The following LRRTM1 variants were observed in gnomAD, a reference collection of about 807,000 sequenced individuals.
LRRTM1 encodes leucine rich repeat transmembrane neuronal 1.
Under a neutral mutation model 37.3 loss-of-function variants are expected in LRRTM1, and 8 were observed. That is an observed-to-expected ratio of 0.21 (90% CI 0.13 to 0.39). The LOEUF (loss-of-function observed/expected upper bound fraction) is 0.39. Among genes scored for constraint, LRRTM1 ranks in the 10% least tolerant of loss-of-function variants. The probability of loss-of-function intolerance (pLI) is 1.00; values close to 1 mark genes in which losing one functional copy is unlikely to be tolerated. For missense variants in LRRTM1, 557 were observed against 691.0 expected (o/e 0.81, Z 2.17); for synonymous variants, 326 against 316.8 (o/e 1.03, Z -0.31).
At chr2:80,295,214 G>A (rs1675634269) in intron 2 of LRRTM1, among the ~76,000 whole-genome samples, 1 of 144,122 alleles carries the variant, frequency 6.9e-6, no homozygotes, top group Non-Finnish European at 1.5e-5. Flanking sequence ...CATTTTGAGA[G>A]TCCTGAACAA....
intron 2 of LRRTM1, among the ~76,000 whole-genome samples, chr2:80,292,996 A>G (rs1048634887): frequency 2.6e-5 from 4 of 152,258 alleles, no homozygotes; most frequent in Admixed American, 1.3e-4. Context: ...ACAGCAAAGC[A>G]GTGCTGCTGC....
At chr2:80,292,837 ATATGT>A (rs1488367231) in intron 2 of LRRTM1, among the ~76,000 whole-genome samples, 2 of 152,208 alleles carry the variant, frequency 1.3e-5, no homozygotes, top group Admixed American at 6.5e-5. Context: ...CATCTGAGTG[ATATGT>A]TATGTTTAGT....
chr2:80,301,323 G>C (rs941487543), downstream of LRRTM1, among the ~76,000 whole-genome samples: 3 of 152,178 alleles, frequency 2.0e-5, no homozygotes, highest in African/African-American at 4.8e-5. Flanking sequence ...AGACCAAAGA[G>C]AGCAGTGAGC....
In LRRTM1 at chr2:80,302,395, C is replaced by T. The variant is rs1676411962; in HGVS notation, c.1425G>A (p.Gln475=). 3 of 1,614,252 alleles carry T rather than the reference C, an allele frequency of 1.9e-6. No homozygotes were observed. Among genetic ancestry groups the T allele is most frequent in the Admixed American group, 1.7e-5 (1 of 60,036 alleles). ...ACATGGCAGCCATCTGATGCATGGT[C>T]TGTTTCTGCTTTTGCTTCCTGCGCT... ...VTQRRKQKQK[Q]TMHQMAAMSA... Residue 475 remains glutamine (Q), a synonymous_variant, in exon 2 of 2, where the codon CAG becomes CAA. Transcript: ENST00000295057. The surrounding 1 kb of genome is among the most constrained non-coding windows in gnomAD (Gnocchi z 6.4).
Position 80,302,450 on chromosome 2 carries a change from A to T in LRRTM1, c.1370T>A (p.Leu457His). Residue 457 changes from leucine to histidine, a missense_variant, in exon 2 of 2, where the codon CTC becomes CAC. Leu to His is a moderately conservative substitution (Grantham distance 99). Around this residue, in one of 5 missense-constraint regions of LRRTM1, gnomAD observed 90 missense variants for 149.4 expected, o/e 0.60. Coordinates refer to ENST00000295057, the MANE Select transcript of LRRTM1 (RefSeq NM_178839.5). The surrounding 1 kb of genome is among the most constrained non-coding windows in gnomAD (Gnocchi z 6.4). ...YVSWKCFPAS[L>H]RQLRQCFVTQ... ...GACAAAGCACTGTCTGAGCTGCCTG[A>T]GGCTGGCTGGGAAACACTTCCAGGA... The T allele has an allele frequency of 6.2e-7, 1 of 1,614,190 alleles. No homozygotes were observed. Among genetic ancestry groups the T allele is most frequent in the Non-Finnish European group, 8.5e-7 (1 of 1,180,028 alleles).
At chr2:80,289,336 T>G (rs1675039087) in intron 2 of LRRTM1, 1 of 152,108 alleles carries the variant, frequency 6.6e-6, no homozygotes, top group African/African-American at 2.4e-5. Flanking sequence ...ACAGAGAGGG[T>G]GCTATTCTTC....
At chr2:80,292,352 T>C (rs1675335594) in intron 2 of LRRTM1, among the ~76,000 whole-genome samples, 1 of 152,104 alleles carries the variant, frequency 6.6e-6, no homozygotes, top group Non-Finnish European at 1.5e-5. Context: ...CAGCCAGAAT[T>C]TGAACCCAAG....
At chr2:80,289,783 C>T (rs923346581) in intron 2 of LRRTM1, among the ~76,000 whole-genome samples, 4 of 152,186 alleles carry the variant, frequency 2.6e-5, no homozygotes, top group Non-Finnish European at 5.9e-5. Context: ...CTGTGTTATA[C>T]GGTAGGGAAA....
chr2:80,293,220 A>G (rs1044514613), intron 2 of LRRTM1, among the ~76,000 whole-genome samples: 42 of 152,292 alleles, frequency 2.8e-4, no homozygotes, highest in African/African-American at 8.7e-4. Context: ...GCATTGTTCC[A>G]TTAATTGTGT....
intron 2 of LRRTM1, among the ~76,000 whole-genome samples, chr2:80,294,991 A>G (rs537901295): frequency 6.6e-6 from 1 of 152,198 alleles, no homozygotes; most frequent in Non-Finnish European, 1.5e-5. Flanking sequence ...AGCATAAAAC[A>G]CAGATCTTGA....
Position 80,303,002 on chromosome 2 carries a change from G to A in LRRTM1, c.818C>T (p.Pro273Leu). 1.9e-6 allele frequency: 3 copies of A among 1,613,778 alleles called. No homozygotes were observed. The highest frequency in any genetic ancestry group is 2.5e-6 in the Non-Finnish European group (3 of 1,179,972). The change falls in exon 2 of 2, where the codon CCC (proline) becomes CTC (leucine). Residue 273 changes from proline (P) to leucine (L), a missense_variant. Physicochemically the swap from Pro to Leu is moderately conservative, Grantham distance 98. Around this residue, in one of 5 missense-constraint regions of LRRTM1, gnomAD observed 200 missense variants for 249.9 expected, o/e 0.80. Coordinates refer to ENST00000295057, the MANE Select transcript of LRRTM1 (RefSeq NM_178839.5). The surrounding 1 kb of genome is among the most constrained non-coding windows in gnomAD (Gnocchi z 7.7). ...GTGCGGCACGGTCTCGAACACATGGGGCTCCATGTACTCGATCTCGTTGCC... is the reference window on the plus strand; with the variant it reads ...GTGCGGCACGGTCTCGAACACATGGAGCTCCATGTACTCGATCTCGTTGCC... ...LSGNEIEYMEPHVFETVPHLQ... is the reference protein window; with the variant it reads ...LSGNEIEYMELHVFETVPHLQ...
In LRRTM1 at chr2:80,302,434, C is replaced by A; in HGVS notation, c.1386G>T (p.Gln462His). ...CFPASLRQLR[Q>H]CFVTQRRKQK... ...GCTTCCTGCGCTGCGTGACAAAGCA[C>A]TGTCTGAGCTGCCTGAGGCTGGCTG... The change falls in exon 2 of 2, where the codon CAG becomes CAT. Residue 462 changes from glutamine (Q) to histidine (H), a missense_variant. Coordinates refer to ENST00000295057, the MANE Select transcript of LRRTM1 (RefSeq NM_178839.5). This position sits in a 1 kb window ranked among gnomAD's most constrained non-coding sequence, Gnocchi z 6.4. 2 of 1,614,234 alleles carry A rather than the reference C, an allele frequency of 1.2e-6. No individual in the cohort carries two copies. Among genetic ancestry groups the A allele is most frequent in the Non-Finnish European group, 1.7e-6 (2 of 1,180,044 alleles).
In LRRTM1 at chr2:80,304,645, A is replaced by AG. The variant is rs1174304704; in HGVS notation, c.-554dup. The AG allele has an allele frequency of 1.3e-5, 2 of 152,246 alleles. No individual in the cohort carries two copies. Among genetic ancestry groups the AG allele is most frequent in the African/African-American group, 4.9e-5 (2 of 41,148 alleles). 9.4% of individuals were successfully genotyped at this position (152,246 alleles called of 1,614,324 possible). ...GGGCGGCGGGCGGCGGGCGGTGGGGAGGTGCGGACGGCGGCGCGGGGAGCG... is the reference window on the plus strand; with the variant it reads ...GGGCGGCGGGCGGCGGGCGGTGGGGAGGGTGCGGACGGCGGCGCGGGGAGCG... On this transcript the variant is annotated 5_prime_UTR_variant, in exon 1 of 2. Coordinates refer to ENST00000295057, the MANE Select transcript of LRRTM1 (RefSeq NM_178839.5).
chr2:80,298,566 T>G (rs924728162), downstream of LRRTM1: 7 of 152,194 alleles, frequency 4.6e-5, no homozygotes, highest in Non-Finnish European at 1.0e-4. Flanking sequence ...GAGATCTGTG[T>G]GTACTTGCTT....
At position 80,303,741 on chromosome 2, in the gene LRRTM1, C is replaced by T. The variant is rs1244393074; in HGVS notation, c.79G>A (p.Ala27Thr). Residue 27 changes from alanine (A) to threonine (T), a missense_variant, in exon 2 of 2, where the codon GCC becomes ACC. Coordinates refer to ENST00000295057, the MANE Select transcript of LRRTM1 (RefSeq NM_178839.5). This position sits in a 1 kb window ranked among gnomAD's most constrained non-coding sequence, Gnocchi z 7.7. ...PSGVVLCLLG[A>T]CFQMLPAAPS... ...GCGGCGGGCAGCATCTGAAAGCAGG[C>T]CCCCAGCAGACACAAGACCACCCCC... 2 of 1,597,240 alleles carry T rather than the reference C, an allele frequency of 1.3e-6. No individual in the cohort carries two copies. The highest frequency in any genetic ancestry group is 1.3e-5 in the African/African-American group (1 of 74,568).
intron 2 of LRRTM1, among the ~76,000 whole-genome samples, chr2:80,293,038 AAATTT>A (rs1438963771): frequency 6.6e-6 from 1 of 152,236 alleles, no homozygotes; most frequent in Non-Finnish European, 1.5e-5. Context: ...TTTAAAATAA[AAATTT>A]AATAAAATAA....
downstream of LRRTM1, among the ~76,000 whole-genome samples, chr2:80,299,956 T>C (rs928442895): frequency 9.8e-5 from 15 of 152,288 alleles, no homozygotes; most frequent in Admixed American, 7.8e-4. Context: ...CTTCAGTTGC[T>C]ACATTTTTTG....
Position 80,303,105 on chromosome 2 carries a change from A to C in LRRTM1, c.715T>G (p.Cys239Gly). Reference sequence around the variant, plus strand: ...ATGGCCACCTTGTTCCTCCGCAGGCAGAGCGAGTGCAGGGAGATGAGGCGC... The same window carrying C: ...ATGGCCACCTTGTTCCTCCGCAGGCCGAGCGAGTGCAGGGAGATGAGGCGC... ...FPRLISLHSL[C>G]LRRNKVAIVV... Residue 239 changes from cysteine (C) to glycine (G), a missense_variant, in exon 2 of 2, where the codon TGC (cysteine) becomes GGC (glycine). Transcript: ENST00000295057. The surrounding 1 kb of genome is among the most constrained non-coding windows in gnomAD (Gnocchi z 7.7). 1.2e-6 allele frequency: 2 copies of C among 1,614,102 alleles called. No individual in the cohort carries two copies. The highest frequency in any genetic ancestry group is 1.1e-5 in the South Asian group (1 of 91,074).
chr2:80,303,853 TC>T lies in LRRTM1; in HGVS notation c.-35del. On this transcript the variant is annotated 5_prime_UTR_variant, in exon 2 of 2. Transcript: ENST00000295057. The surrounding 1 kb of genome is among the most constrained non-coding windows in gnomAD (Gnocchi z 7.7). ...ATCTTTCCAGAGAGACTGGAGAATG[TC>T]CATTGGAAGCGCTCGGTCAGAAATC... 6.7e-7 allele frequency: 1 copy of T among 1,485,208 alleles called. No homozygotes were observed. Among genetic ancestry groups the T allele is most frequent in the Non-Finnish European group, 9.0e-7 (1 of 1,116,734 alleles). The allele number at this position is 1,485,208 out of a possible 1,614,324, so 92.0% of individuals were successfully genotyped here.
Sources: gnomAD v4.1 joint callset for allele counts (sites outside exome capture counted in the v4.1 genomes callset) on GRCh38, gnomAD v4.1.1 for gene constraint, gnomAD v4.1.1 regional missense constraint, Gnocchi (gnomAD v3.1) non-coding constraint, MANE v1.5 for transcripts, NCBI Gene and HGNC (gene_info 2026-07-23, HGNC 2026-07-21) for gene names.